The following EIPR1 variants were observed in gnomAD, a reference collection of about 807,000 sequenced individuals.
EIPR1 encodes EARP complex and GARP complex interacting protein 1, also known as EARP and GARP complex-interacting protein 1.
EIPR1 carries 25 observed loss-of-function variants against 48.1 expected under a neutral mutation model. The ratio of observed to expected loss-of-function variants is 0.52; its 90% CI spans 0.38 to 0.73. The LOEUF is 0.73. Ranked by LOEUF, EIPR1 falls within the 30% of genes least tolerant of loss-of-function variation. EIPR1 has a pLI of 0.00. For missense variants in EIPR1, 415 were observed against 506.2 expected, an observed-to-expected ratio of 0.82 and a Z score of 1.73; for synonymous variants, 204 against 201.9, an observed-to-expected ratio of 1.01 and a Z score of -0.09.
intron 4 of EIPR1, among the ~76,000 whole-genome samples, chr2:3,246,810 A>AGGGC: frequency 1.8e-5 from 1 of 54,310 alleles, no homozygotes; most frequent in Non-Finnish European, 3.4e-5. Context: ...GGAGGCAGGG[A>AGGGC]GGGAGGGAGG....
At chr2:3,356,363 C>A (rs1245747215) in intron 1 of EIPR1, among the ~76,000 whole-genome samples, 1 of 152,146 alleles carries the variant, frequency 6.6e-6, no homozygotes, top group Non-Finnish European at 1.5e-5. Context: ...TATACAACAG[C>A]CTGAATTGCA....
intron 3 of EIPR1, among the ~76,000 whole-genome samples, chr2:3,334,530 C>T (rs1014364213): frequency 3.3e-5 from 5 of 152,252 alleles, no homozygotes; most frequent in Non-Finnish European, 7.3e-5. Flanking sequence ...GAGGGCCTGG[C>T]GCCTTGCCCC....
At chr2:3,333,358 G>A (rs772556857) in intron 3 of EIPR1, among the ~76,000 whole-genome samples, 3 of 152,062 alleles carry the variant, frequency 2.0e-5, no homozygotes, top group Admixed American at 6.5e-5. Flanking sequence ...AAGAAGAGCC[G>A]GGCCCTCCAA....
intron 3 of EIPR1, among the ~76,000 whole-genome samples, chr2:3,287,527 C>A (rs572288096): frequency 1.3e-5 from 2 of 151,468 alleles, no homozygotes; most frequent in Non-Finnish European, 1.5e-5. Flanking sequence ...TTGTTCACCA[C>A]GCTCCAGAAA....
At chr2:3,257,604 G>A (rs1667201133) in intron 3 of EIPR1, 149 bp from the exon 4 acceptor site, 2 of 914,826 alleles carry the variant, frequency 2.2e-6, no homozygotes, top group Non-Finnish European at 3.1e-6. Context: ...GACGGAGCAG[G>A]GAGAAGCACA....
chr2:3,255,763 C>T (rs1667135955), intron 4 of EIPR1, among the ~76,000 whole-genome samples: 2 of 152,244 alleles, frequency 1.3e-5, no homozygotes, highest in Non-Finnish European at 2.9e-5. Context: ...TCTCACTCAT[C>T]TGCTCCCTGG....
intron 4 of EIPR1, among the ~76,000 whole-genome samples, chr2:3,230,971 A>C (rs1212926958): frequency 6.6e-6 from 1 of 152,200 alleles, no homozygotes; most frequent in Non-Finnish European, 1.5e-5. Flanking sequence ...AATTCTTCCC[A>C]TCCATGAACA....
At chr2:3,332,290 C>G (rs1669923723) in intron 3 of EIPR1, among the ~76,000 whole-genome samples, 1 of 152,210 alleles carries the variant, frequency 6.6e-6, no homozygotes, top group African/African-American at 2.4e-5. Flanking sequence ...AGGTCAAGGC[C>G]TGCTGGCAGC....
chr2:3,248,780 A>G (rs1052021133), intron 4 of EIPR1, among the ~76,000 whole-genome samples: 2 of 152,060 alleles, frequency 1.3e-5, no homozygotes, highest in Non-Finnish European at 2.9e-5. Context: ...AAAAAAGAAA[A>G]CTAAATTAAA....
intron 1 of EIPR1, among the ~76,000 whole-genome samples, chr2:3,369,276 A>T (rs1003524006): frequency 3.1e-4 from 47 of 152,362 alleles, no homozygotes; most frequent in African/African-American, 1.1e-3. Flanking sequence ...GACTAGGAAC[A>T]GCTCCGGTCT....
At chr2:3,328,798 C>G (rs1324898858) in intron 3 of EIPR1, among the ~76,000 whole-genome samples, 4 of 141,692 alleles carry the variant, frequency 2.8e-5, no homozygotes, top group African/African-American at 8.1e-5. Flanking sequence ...AGCCAGGCTC[C>G]CCTGAATCAG....
chr2:3,213,146 T>C (rs1364142963), intron 5 of EIPR1, among the ~76,000 whole-genome samples: 1 of 152,242 alleles, frequency 6.6e-6, no homozygotes, highest in African/African-American at 2.4e-5. Flanking sequence ...TGGAGAAATC[T>C]ATCCAATGGA....
At position 3,377,718 on chromosome 2, in the gene EIPR1, A is replaced by G; in HGVS notation, c.-29T>C. On this transcript the variant is annotated 5_prime_UTR_variant, in exon 1 of 9. Transcript: ENST00000382125. ...GCGGGGAAGCGACCCGACCCCGGCC[A>G]CTCACACGCTAAGGACCTCGCTACG... The G allele has an allele frequency of 6.4e-7, 1 of 1,568,000 alleles. No homozygotes were observed. The highest frequency in any genetic ancestry group is 8.7e-7 in the Non-Finnish European group (1 of 1,155,966).
At position 3,370,425 on chromosome 2, in the gene EIPR1, C is replaced by T. The variant is rs1282251673; in HGVS notation, c.42+7223G>A. ...CGAGTTGAGAGAAGAAGGCTTCAGACGATCAAACTACTCCGAGCTACAGGA... is the reference window on the plus strand; with the variant it reads ...CGAGTTGAGAGAAGAAGGCTTCAGATGATCAAACTACTCCGAGCTACAGGA... On this transcript the variant is annotated intron_variant, in intron 1 of 8. Coordinates refer to ENST00000382125, the MANE Select transcript of EIPR1 (RefSeq NM_003310.5). 3.3e-5 allele frequency among the ~76,000 whole-genome samples: 5 copies of T among 151,970 alleles called. No individual in the cohort carries two copies. The East Asian group carries it at 5.8e-4, about 18-fold the overall frequency.
At chr2:3,221,914 G>C (rs1459822090) in intron 4 of EIPR1, among the ~76,000 whole-genome samples, 2 of 152,194 alleles carry the variant, frequency 1.3e-5, no homozygotes, top group Non-Finnish European at 2.9e-5. Context: ...ACATTTTGAA[G>C]CATCCATTTC....
rs142821979 is a variant in EIPR1, at chr2:3,322,744, G to A, written c.259+15273C>T. Among the ~76,000 whole-genome samples the A allele has an allele frequency of 5.6e-3, 848 of 152,312 alleles. 5 individuals are homozygous for A. The highest frequency in any genetic ancestry group is 9.0e-3 in the Non-Finnish European group (613 of 68,030). ...CAGCCTGGAGGCAGAGCTCAAAGCC[G>A]GAATCCCAAATCCGCCCTTGCACTG... On this transcript the variant is annotated intron_variant, in intron 3 of 8. Transcript: ENST00000382125.
chr2:3,366,727 A>C (rs1670981712), intron 1 of EIPR1, among the ~76,000 whole-genome samples: 2 of 152,226 alleles, frequency 1.3e-5, no homozygotes, highest in Non-Finnish European at 2.9e-5. Context: ...ATGCTGAGCA[A>C]ATGAAAGGAA....
intron 4 of EIPR1, among the ~76,000 whole-genome samples, chr2:3,220,540 A>T (rs1665846480): frequency 2.0e-5 from 3 of 151,922 alleles, no homozygotes; most frequent in Non-Finnish European, 4.4e-5. Flanking sequence ...CACAATGACC[A>T]TGGTACACTC....
In EIPR1 at chr2:3,286,867, C is replaced by G. The variant is rs1251103976; in HGVS notation, c.260-29412G>C. ...AGCCGGCAGAGGGGGCTGTGGGGAG[C>G]ACACAGAGTGCCAGCCAGCAGAGGG... On this transcript the variant is annotated intron_variant, in intron 3 of 8. Transcript: ENST00000382125. The surrounding 1 kb of genome is among the most constrained non-coding windows in gnomAD (Gnocchi z 4.2). 6.6e-6 allele frequency among the ~76,000 whole-genome samples: 1 copy of G among 151,272 alleles called. No homozygotes were observed. The highest frequency in any genetic ancestry group is 2.0e-4 in the East Asian group (1 of 5,118).
Sources: gnomAD v4.1 joint callset for allele counts (sites outside exome capture counted in the v4.1 genomes callset) on GRCh38, gnomAD v4.1.1 for gene constraint, Gnocchi (gnomAD v3.1) non-coding constraint, MANE v1.5 for transcripts, NCBI Gene and HGNC (gene_info 2026-07-23, HGNC 2026-07-21) for gene names.